The following TMEM51 variants were observed in gnomAD, a reference collection of about 807,000 sequenced individuals.
TMEM51 encodes the protein transmembrane protein 51, also known as chromosome 1 open reading frame 72.
Under a neutral mutation model 13.6 loss-of-function variants are expected in TMEM51, and 8 were observed. The ratio of observed to expected loss-of-function variants is 0.59; its 90% CI spans 0.35 to 1.07. The LOEUF (loss-of-function observed/expected upper bound fraction) is 1.07. Ranked by LOEUF, TMEM51 falls within the 50% of genes least tolerant of loss-of-function variation. TMEM51 has a pLI of 0.02. For missense variants in TMEM51, 279 were observed against 330.7 expected (o/e 0.84, Z 1.21); for synonymous variants, 147 against 144.4 (o/e 1.02, Z -0.13).
chr1:15,213,187 A>G lies in TMEM51; in HGVS notation c.-193-1708A>G, dbSNP rs76124003. 9.6e-3 allele frequency among the ~76,000 whole-genome samples: 1,461 copies of G among 152,332 alleles called. 14 individuals are homozygous for G. Among genetic ancestry groups the G allele is most frequent in the Non-Finnish European group, 0.013 (886 of 68,030 alleles). On this transcript the variant is annotated intron_variant, in intron 2 of 3. Transcript: ENST00000376008. ...TTAACTTGCTCACTGCTGTTTCTCC[A>G]GTGCCTAACTCGCTACTTAGGAGGT...
intron 1 of TMEM51, among the ~76,000 whole-genome samples, chr1:15,187,341 C>G (rs1643811454): frequency 6.6e-6 from 1 of 152,234 alleles, no homozygotes; most frequent in African/African-American, 2.4e-5. Flanking sequence ...GCTTTTCCCT[C>G]ATCTGTGCTG....
chr1:15,193,575 C>CTT lies in TMEM51; in HGVS notation c.-266-16896_-266-16895dup, dbSNP rs3078881. On this transcript the variant is annotated intron_variant, in intron 1 of 3. Coordinates refer to ENST00000376008, the MANE Select transcript of TMEM51 (RefSeq NM_001136218.2). ...CATTTTCTTTTTCTTTTCTTTCTTT[C>CTT]TTTTTTTTTTTTTTTTTTTTGAGAC... Among the ~76,000 whole-genome samples the CTT allele has an allele frequency of 1.2e-4, 14 of 114,652 alleles. 1 individual carries two copies. The highest frequency in any genetic ancestry group is 3.6e-4 in the African/African-American group (10 of 28,080). 75.2% of individuals were successfully genotyped at this position (114,652 alleles called of 152,430 possible).
At position 15,207,168 on chromosome 1, in the gene TMEM51, C is replaced by A. The variant is rs1001196707; in HGVS notation, c.-266-3322C>A. 1.3e-5 allele frequency among the ~76,000 whole-genome samples: 2 copies of A among 152,296 alleles called. No individual in the cohort carries two copies. Among genetic ancestry groups the A allele is most frequent in the Admixed American group, 1.3e-4 (2 of 15,296 alleles). The stretch of plus-strand genomic sequence containing the variant: ...GCAGCTTGGCAGGAAGAGGTCGGTG[C>A]AGGGAGAATGCTCAAGGAGCCCCTC... On this transcript the variant is annotated intron_variant, in intron 1 of 3. Transcript: ENST00000376008. This position sits in a 1 kb window ranked among gnomAD's most constrained non-coding sequence, Gnocchi z 4.6.
At chr1:15,169,677 TG>T (rs1050231363) in intron 1 of TMEM51, among the ~76,000 whole-genome samples, 14 of 152,164 alleles carry the variant, frequency 9.2e-5, no homozygotes, top group Non-Finnish European at 2.1e-4. Context: ...TAAAAGCCTA[TG>T]GTTTCTACAA....
intron 1 of TMEM51, among the ~76,000 whole-genome samples, chr1:15,162,730 T>C (rs1642826576): frequency 6.6e-6 from 1 of 151,992 alleles, no homozygotes; most frequent in South Asian, 2.1e-4. Flanking sequence ...TGGACGAACC[T>C]TGAGGACATC....
chr1:15,213,593 C>A (rs1644376337), intron 2 of TMEM51, among the ~76,000 whole-genome samples: 2 of 152,202 alleles, frequency 1.3e-5, no homozygotes, highest in Non-Finnish European at 2.9e-5. Context: ...GTGACTGCTT[C>A]TCTGGCTCGC....
intron 1 of TMEM51, chr1:15,171,370 G>A (rs1160266970): frequency 2.8e-5 from 35 of 1,254,074 alleles, no homozygotes; most frequent in Non-Finnish European, 3.6e-5. Context: ...CATAGGGGGG[G>A]CGGCAGAAAG....
At chr1:15,165,405 A>G (rs1642960074) in intron 1 of TMEM51, among the ~76,000 whole-genome samples, 1 of 152,228 alleles carries the variant, frequency 6.6e-6, no homozygotes, top group African/African-American at 2.4e-5. Flanking sequence ...AATTAAAACA[A>G]TGCCGTCTTT....
chr1:15,189,213 C>CTTTT lies in TMEM51; in HGVS notation c.-266-21258_-266-21255dup, dbSNP rs59346950. Among the ~76,000 whole-genome samples, 649 of 92,828 alleles carry CTTTT rather than the reference C, an allele frequency of 7.0e-3. 28 individuals carry two copies. Among genetic ancestry groups the CTTTT allele is most frequent in the African/African-American group, 0.026 (607 of 23,436 alleles). 60.9% of individuals were successfully genotyped at this position (92,828 alleles called of 152,430 possible). On this transcript the variant is annotated intron_variant, in intron 1 of 3. Transcript: ENST00000376008. ...CTTCACCACACCCAGCTAATTTTTC[C>CTTTT]TTTTTTTTTTTTTTTTTTTTTTAGT...
intron 2 of TMEM51, among the ~76,000 whole-genome samples, chr1:15,211,338 T>C (rs1353496581): frequency 6.6e-6 from 1 of 152,222 alleles, no homozygotes; most frequent in Non-Finnish European, 1.5e-5. Context: ...CAAACCATTA[T>C]AATATCCAAG....
chr1:15,183,018 C>T (rs1370954386), intron 1 of TMEM51, among the ~76,000 whole-genome samples: 1 of 152,230 alleles, frequency 6.6e-6, no homozygotes. Context: ...CCGCCTCAAC[C>T]TTCCAAAGTA....
intron 1 of TMEM51, among the ~76,000 whole-genome samples, chr1:15,195,845 C>T (rs1644036758): frequency 6.6e-6 from 1 of 152,172 alleles, no homozygotes; most frequent in African/African-American, 2.4e-5. Flanking sequence ...CTTGACCCAG[C>T]AGGATTCCCA....
In TMEM51 at chr1:15,171,183, G is replaced by C. The variant is rs1459153989; in HGVS notation, c.-267+17229G>C. The C allele has an allele frequency of 3.8e-6, 5 of 1,300,776 alleles. No individual in the cohort carries two copies. The African/African-American group carries it at 6.2e-5, about 16-fold the overall frequency. The allele number at this position is 1,300,776 out of a possible 1,614,324, so 80.6% of individuals were successfully genotyped here. A position where few individuals can be genotyped will look rare whatever the true frequency, so the allele number is the denominator to read the frequency against. On this transcript the variant is annotated intron_variant, in intron 1 of 3. Coordinates refer to ENST00000376008, the MANE Select transcript of TMEM51 (RefSeq NM_001136218.2). ...GCCCCAGGATTTGCATTTCTAACCA[G>C]CTCCTGGGTGACGCTGATGCTGTTG...
In TMEM51 at chr1:15,219,785, T is replaced by G. The variant is rs1336903454; in HGVS notation, c.*42T>G. 5.7e-6 allele frequency: 9 copies of G among 1,588,806 alleles called. No individual in the cohort carries two copies. Among genetic ancestry groups the G allele is most frequent in the Non-Finnish European group, 7.7e-6 (9 of 1,167,156 alleles). On this transcript the variant is annotated 3_prime_UTR_variant, in exon 4 of 4. Coordinates refer to ENST00000376008, the MANE Select transcript of TMEM51 (RefSeq NM_001136218.2). ...CACGCTCCCTCCTGTCTCTCACACC[T>G]TTCACCCCCAAGACTCTAACAAAGC...
chr1:15,174,240 C>T (rs1437096432), intron 1 of TMEM51, among the ~76,000 whole-genome samples: 5 of 152,046 alleles, frequency 3.3e-5, no homozygotes, highest in African/African-American at 4.8e-5. Context: ...GATAGAATCC[C>T]ATCATTTTCC....
intron 1 of TMEM51, among the ~76,000 whole-genome samples, chr1:15,189,521 C>G (rs1192054004): frequency 6.6e-6 from 1 of 152,126 alleles, no homozygotes; most frequent in African/African-American, 2.4e-5. Flanking sequence ...TCTAAACACC[C>G]CAGAGGGTAG....
At chr1:15,215,504 C>T in intron 3 of TMEM51, 73 bp downstream of exon 3, 2 of 1,352,304 alleles carry the variant, frequency 1.5e-6, no homozygotes, top group Non-Finnish European at 2.0e-6. Flanking sequence ...ATGTTCACAC[C>T]TTTCCGTGGT....
chr1:15,169,444 G>A (rs778851759), intron 1 of TMEM51, among the ~76,000 whole-genome samples: 2 of 152,028 alleles, frequency 1.3e-5, no homozygotes, highest in East Asian at 3.9e-4. Flanking sequence ...AAAAATGAGA[G>A]CCTTTTCCCT....
rs1043659140 is a variant in TMEM51, at chr1:15,214,959, T to A, written c.-129T>A. 7 of 903,514 alleles carry A rather than the reference T, an allele frequency of 7.7e-6. No individual in the cohort carries two copies. The highest frequency in any genetic ancestry group is 9.8e-6 in the Non-Finnish European group (6 of 610,404). The allele number at this position is 903,514 out of a possible 1,614,324, so 56.0% of individuals were successfully genotyped here. A position where few individuals can be genotyped will look rare whatever the true frequency, so the allele number is the denominator to read the frequency against. ...TTGCTCGGAACCATCCCGCAGGAGT[T>A]CAGCTGATATTTTCTAGTGTGGGGC... On this transcript the variant is annotated 5_prime_UTR_variant, in exon 3 of 4. Transcript: ENST00000376008.
Sources: gnomAD v4.1 joint callset for allele counts (sites outside exome capture counted in the v4.1 genomes callset) on GRCh38, gnomAD v4.1.1 for gene constraint, Gnocchi (gnomAD v3.1) non-coding constraint, MANE v1.5 for transcripts, NCBI Gene and HGNC (gene_info 2026-07-23, HGNC 2026-07-21) for gene names.